Variants in DHX38 observed in about 807,000 individuals in gnomAD.
The protein encoded by DHX38 is DEAH-box helicase 38, also known as pre-mRNA-splicing factor ATP-dependent RNA helicase PRP16.
Under a neutral mutation model 153.1 loss-of-function variants are expected in DHX38, and 100 were observed. The observed-to-expected ratio is 0.65, with a 90% CI of 0.56 to 0.77. The LOEUF (loss-of-function observed/expected upper bound fraction) is 0.77, where lower values mean the gene tolerates loss of function less well. DHX38 is among the 30% of genes least tolerant of loss of function. The pLI, the probability that DHX38 is intolerant of heterozygous loss-of-function variation, is 0.00. For synonymous variants in DHX38, 650 were observed against 631.7 expected (o/e 1.03, Z -0.43); for missense variants, 1,440 against 1,654.0 (o/e 0.87, Z 2.24).
At chr16:72,099,938 C>T (rs375903786) in intron 8 of DHX38, 51 bp downstream of exon 8, 38 of 1,552,104 alleles carry the variant, frequency 2.4e-5, no homozygotes, top group African/African-American at 1.9e-4. Context: ...AGGTAGAGCA[C>T]GTGGGGAAGC....
At chr16:72,110,916 G>A (rs768015786) in intron 25 of DHX38, 40 bp from the exon 26 acceptor site, 3 of 1,544,816 alleles carry the variant, frequency 1.9e-6, no homozygotes, top group Middle Eastern at 1.7e-4. Flanking sequence ...TTCCTTAGTG[G>A]TCCCCAGTAG....
chr16:72,109,362 G>A, intron 24 of DHX38, 53 bp from the exon 25 acceptor site: 1 of 1,588,902 alleles, frequency 6.3e-7, no homozygotes. Flanking sequence ...AACCACTCTG[G>A]GAGGGACATT....
In DHX38 at chr16:72,104,376, C is replaced by T; in HGVS notation, c.2011-110C>T. 6.9e-7 allele frequency: 1 copy of T among 1,443,450 alleles called. No homozygotes were observed. Among genetic ancestry groups the T allele is most frequent in the East Asian group, 2.4e-5 (1 of 41,900 alleles). The allele number at this position is 1,443,450 out of a possible 1,614,324, so 89.4% of individuals were successfully genotyped here. ...TCATGATTGGTAAGAATTGAATAGGCCCATTTGTCAGCTTTGGCTTGTGTT... is the reference window on the plus strand; with the variant it reads ...TCATGATTGGTAAGAATTGAATAGGTCCATTTGTCAGCTTTGGCTTGTGTT... On this transcript the variant is annotated intron_variant, in intron 14 of 26. Transcript: ENST00000268482. The surrounding 1 kb of genome is among the most constrained non-coding windows in gnomAD (Gnocchi z 4.5).
rs748807387 is a variant in DHX38, at chr16:72,104,642, T to C, written c.2151+16T>C. On this transcript the variant is annotated intron_variant, in intron 15 of 26. Coordinates refer to ENST00000268482, the MANE Select transcript of DHX38 (RefSeq NM_014003.4). The surrounding 1 kb of genome is among the most constrained non-coding windows in gnomAD (Gnocchi z 4.5). ...CTTCAGCAAGGTATTGAGGCCACCATGTTACGAACTGACCCTTCCATGCCA... is the reference window on the plus strand; with the variant it reads ...CTTCAGCAAGGTATTGAGGCCACCACGTTACGAACTGACCCTTCCATGCCA... 3.7e-6 allele frequency: 6 copies of C among 1,613,850 alleles called. No individual in the cohort carries two copies. Among genetic ancestry groups the C allele is most frequent in the Non-Finnish European group, 4.2e-6 (5 of 1,179,964 alleles).
chr16:72,110,846 C>A, intron 25 of DHX38, 110 bp from the exon 26 acceptor site: 1 of 1,422,316 alleles, frequency 7.0e-7, no homozygotes, highest in Non-Finnish European at 9.4e-7. Flanking sequence ...ATGTGGAGCA[C>A]TGGCCTGGTG....
At chr16:72,102,682 G>T (rs1295254375) in intron 11 of DHX38, among the ~76,000 whole-genome samples, 1 of 152,260 alleles carries the variant, frequency 6.6e-6, no homozygotes, top group Admixed American at 6.5e-5. Flanking sequence ...CACAAGGCCT[G>T]TGTGGCTATT....
At chr16:72,100,117 G>T (rs2042080451) in intron 8 of DHX38, among the ~76,000 whole-genome samples, 1 of 152,192 alleles carries the variant, frequency 6.6e-6, no homozygotes, top group Non-Finnish European at 1.5e-5. Flanking sequence ...AAGTACTGTT[G>T]ATGGGAACAG....
At chr16:72,096,065 C>A in intron 1 of DHX38, 74 bp from the exon 2 acceptor site, 1 of 1,453,800 alleles carries the variant, frequency 6.9e-7, no homozygotes, top group Non-Finnish European at 9.3e-7. Context: ...CTACATATAA[C>A]CATAACTGCA....
In DHX38 at chr16:72,099,056, TG is replaced by T. The variant is rs776738831; in HGVS notation, c.883+15del. 3.7e-6 allele frequency: 6 copies of T among 1,612,184 alleles called. No homozygotes were observed. Among genetic ancestry groups the T allele is most frequent in the Non-Finnish European group, 5.1e-6 (6 of 1,179,828 alleles). On this transcript the variant is annotated intron_variant, in intron 6 of 26. Coordinates refer to ENST00000268482, the MANE Select transcript of DHX38 (RefSeq NM_014003.4). ...TGTCCAGGGGCCGAGGTGAGGCCTGTGGGGCAGCAGGCAGAAGAGCAGGCTT... is the reference window on the plus strand; with the variant it reads ...TGTCCAGGGGCCGAGGTGAGGCCTGTGGGCAGCAGGCAGAAGAGCAGGCTT...
At position 72,099,678 on chromosome 16, in the gene DHX38, C is replaced by T. The variant is rs983287782; in HGVS notation, c.961-54C>T. On this transcript the variant is annotated intron_variant, in intron 7 of 26. Transcript: ENST00000268482. ...GTCCCTTCTTCTGTTGGCCATGTCT[C>T]GTGCATAAACTTGATCTGTCCCTCA... is the stretch of plus-strand genomic sequence containing the variant. 3.3e-5 allele frequency: 53 copies of T among 1,601,788 alleles called. 1 individual carries two copies. In the African/African-American group the frequency reaches 3.9e-4, roughly 12 times the overall value.
chr16:72,102,488 C>T (rs956156492), intron 11 of DHX38, among the ~76,000 whole-genome samples: 2 of 152,156 alleles, frequency 1.3e-5, no homozygotes, highest in Non-Finnish European at 1.5e-5. Context: ...CAGTGCTCTG[C>T]ATCTCGGGTG....
At chr16:72,097,078 G>C in intron 3 of DHX38, 69 bp downstream of exon 3, 1 of 1,516,684 alleles carries the variant, frequency 6.6e-7, no homozygotes. Context: ...TTTTCTTGTT[G>C]CAGGAGTTTT....
chr16:72,096,007 G>T, intron 1 of DHX38, 132 bp from the exon 2 acceptor site: 1 of 918,484 alleles, frequency 1.1e-6, no homozygotes, highest in Non-Finnish European at 1.6e-6. Context: ...TGGAGAGAGG[G>T]AGCAAAAGTA....
At chr16:72,112,205 A>G (rs1206256644) in intron 26 of DHX38, 16 of 599,112 alleles carry the variant, frequency 2.7e-5, no homozygotes, top group African/African-American at 9.3e-5. Context: ...GATCTAAAGC[A>G]TATCGGAATG....
Position 72,107,909 on chromosome 16 carries a change from T to A in DHX38, c.2964+110T>A, listed in dbSNP as rs558079536. The A allele has an allele frequency of 3.2e-5, 45 of 1,424,358 alleles. No homozygotes were observed. In the African/African-American group the frequency reaches 5.7e-4, roughly 18 times the overall value. 88.2% of individuals were successfully genotyped at this position (1,424,358 alleles called of 1,614,324 possible). On this transcript the variant is annotated intron_variant, in intron 21 of 26. Transcript: ENST00000268482. The surrounding 1 kb of genome is among the most constrained non-coding windows in gnomAD (Gnocchi z 5.3). Reference sequence around the variant, plus strand: ...TGGAACAGAGGGCAGAATCAGAGTTTCTGAAGAATGATTTTGCTGTTCTCG... The same window carrying A: ...TGGAACAGAGGGCAGAATCAGAGTTACTGAAGAATGATTTTGCTGTTCTCG...
At chr16:72,110,834 C>A (rs1485486664) in intron 25 of DHX38, 122 bp from the exon 26 acceptor site, 7 of 1,351,578 alleles carry the variant, frequency 5.2e-6, no homozygotes, top group African/African-American at 1.5e-5. Context: ...GGGCAGGCAG[C>A]CATGTGGAGC....
chr16:72,098,900 T>C (rs768878574), intron 5 of DHX38, 27 bp from the exon 6 acceptor site: 1 of 1,614,094 alleles, frequency 6.2e-7, no homozygotes, highest in Admixed American at 1.7e-5. Flanking sequence ...AGTGACAGTT[T>C]TGTGATGCTG....
chr16:72,103,672 C>T lies in DHX38; in HGVS notation c.1708C>T (p.His570Tyr). ...GKTTQLTQYL[H>Y]EDGYTDYGMI... is the part of the protein sequence containing the mutation. ...GACCACTCAGCTGACGCAGTACCTG[C>T]ATGAAGATGGTTACACGGACTATGG... The change falls in exon 13 of 27, where the codon CAT becomes TAT. Residue 570 changes from histidine (H) to tyrosine (Y), a missense_variant. Physicochemically the swap from His to Tyr is moderately conservative, Grantham distance 83. This residue lies in a region of DHX38 where 241 missense variants were observed against 229.5 expected (regional missense o/e 1.05). Coordinates refer to ENST00000268482, the MANE Select transcript of DHX38 (RefSeq NM_014003.4). 6.2e-7 allele frequency: 1 copy of T among 1,614,134 alleles called. No individual in the cohort carries two copies. The highest frequency in any genetic ancestry group is 8.5e-7 in the Non-Finnish European group (1 of 1,179,980).
chr16:72,099,776 G>A lies in DHX38; in HGVS notation c.1005G>A (p.Glu335=), dbSNP rs138829784. The change falls in exon 8 of 27, where the codon GAG becomes GAA. Residue 335 remains glutamate (E), a synonymous_variant. Coordinates refer to ENST00000268482, the MANE Select transcript of DHX38 (RefSeq NM_014003.4). ...DWYMMDEGYD[E]FHNPLAYSSE... ...ACATGATGGACGAGGGCTATGACGAGTTCCACAACCCGCTGGCCTACTCCT... is the reference window on the plus strand; with the variant it reads ...ACATGATGGACGAGGGCTATGACGAATTCCACAACCCGCTGGCCTACTCCT... 3 of 1,614,208 alleles carry A rather than the reference G, an allele frequency of 1.9e-6. No homozygotes were observed. In the African/African-American group the frequency reaches 4.0e-5, roughly 22 times the overall value.
Sources: gnomAD v4.1 joint callset for allele counts (sites outside exome capture counted in the v4.1 genomes callset) on GRCh38, gnomAD v4.1.1 for gene constraint, gnomAD v4.1.1 regional missense constraint, Gnocchi (gnomAD v3.1) non-coding constraint, MANE v1.5 for transcripts, NCBI Gene and HGNC (gene_info 2026-07-23, HGNC 2026-07-21) for gene names.